TTC34: variants seen among roughly 807,000 people sequenced by gnomAD.
TTC34 encodes the protein tetratricopeptide repeat protein 34.
TTC34 carries 44 observed loss-of-function variants against 40.7 expected under a neutral mutation model. The ratio of observed to expected loss-of-function variants is 1.08; its 90% confidence interval spans 0.85 to 1.39. TTC34 has a LOEUF of 1.39. Ranked by LOEUF, TTC34 falls within the 40% of genes most tolerant of loss-of-function variation. The pLI is 0.00. For missense variants in TTC34, 884 were observed against 838.0 expected (o/e 1.05, Z -0.68); for synonymous variants, 422 against 398.6 (o/e 1.06, Z -0.70).
chr1:2,641,362 G>T, exon 9 of TTC34: 1 of 1,497,722 alleles, frequency 6.7e-7, no homozygotes, highest in Non-Finnish European at 8.9e-7. Context: ...AGAGGGTCAG[G>T]CCCAGTCACT....
intron 6 of TTC34, among the ~76,000 whole-genome samples, chr1:2,694,292 CTGGAGCAGCACCCACACCCCCTGATG>C (rs1640762762): frequency 2.0e-5 from 2 of 99,178 alleles, no homozygotes; most frequent in African/African-American, 4.1e-5. Flanking sequence ...ATCGGACAGC[CTGGAGCAGCACCCACACCCCCTGATG>C]AGCATCTGAC....
chr1:2,652,185 GACT>G lies in TTC34; in HGVS notation c.2227-6625_2227-6623del, dbSNP rs1311947834. ...CACACCCCCAGGTGAGCATCTGACA[GACT>G]GGAACAGCACCCTGCACCCCCAAGT... On this transcript the variant is annotated intron_variant, in intron 6 of 8. Coordinates refer to ENST00000401095, the Ensembl canonical transcript of TTC34. Among the ~76,000 whole-genome samples, 91 of 18,970 alleles carry G rather than the reference GACT, an allele frequency of 4.8e-3. 3 individuals are homozygous for G. The highest frequency in any genetic ancestry group is 0.033 in the Middle Eastern group (1 of 30). 12.4% of individuals were successfully genotyped at this position (18,970 alleles called of 152,430 possible).
chr1:2,695,709 C>T (rs1640830846), intron 6 of TTC34, among the ~76,000 whole-genome samples: 2 of 150,360 alleles, frequency 1.3e-5, no homozygotes, highest in African/African-American at 2.4e-5. Flanking sequence ...TGGAACAGCA[C>T]CCACACCCCC....
At chr1:2,775,456 G>T (rs1178342956) in intron 6 of TTC34, 1 of 148,474 alleles carries the variant, frequency 6.7e-6, no homozygotes, top group Non-Finnish European at 1.5e-5. Context: ...CTGACAGCCT[G>T]GAGCAGTACC....
At chr1:2,694,928 GA>G (rs1640790273) in intron 6 of TTC34, among the ~76,000 whole-genome samples, 1 of 134,558 alleles carries the variant, frequency 7.4e-6, no homozygotes, top group African/African-American at 2.8e-5. Flanking sequence ...GCGAGCACCT[GA>G]CATCCTTGAG....
chr1:2,771,710 G>A (rs1371459225), intron 6 of TTC34, among the ~76,000 whole-genome samples: 47 of 58,248 alleles, frequency 8.1e-4, no homozygotes, highest in Admixed American at 1.6e-3. Flanking sequence ...GACAGCCTGG[G>A]GCAGTGCCCA....
At chr1:2,747,839 CGCCAGGCGAGCATCTG>C in intron 6 of TTC34, among the ~76,000 whole-genome samples, 1 of 75,704 alleles carries the variant, frequency 1.3e-5, no homozygotes, top group African/African-American at 9.7e-5. Context: ...GCACCCACAC[CGCCAGGCGAGCATCTG>C]ACGGCCTGGA....
At chr1:2,688,391 C>T (rs1640470726) in intron 6 of TTC34, among the ~76,000 whole-genome samples, 3 of 150,034 alleles carry the variant, frequency 2.0e-5, no homozygotes, top group Non-Finnish European at 3.0e-5. Context: ...CATCTGACAG[C>T]CTGGAACAGC....
intron 2 of TTC34, among the ~76,000 whole-genome samples, chr1:2,795,780 T>C (rs1433143100): frequency 6.6e-6 from 1 of 152,240 alleles, no homozygotes; most frequent in Non-Finnish European, 1.5e-5. Flanking sequence ...CCATGGTACC[T>C]GGATGCTTAC....
intron 6 of TTC34, among the ~76,000 whole-genome samples, chr1:2,654,028 C>G (rs11510859): frequency 1.9e-5 from 2 of 103,958 alleles, no homozygotes; most frequent in African/African-American, 7.0e-5. Context: ...GAGCATCTGA[C>G]AGCCTGGAGC....
exon 4 of TTC34, chr1:2,787,695 C>A: frequency 5.2e-6 from 8 of 1,544,022 alleles, no homozygotes; most frequent in Non-Finnish European, 7.0e-6. Flanking sequence ...CTGGTGCACG[C>A]CGCAGGCGAC....
intron 6 of TTC34, among the ~76,000 whole-genome samples, chr1:2,752,787 T>C (rs1192852938): frequency 8.5e-6 from 1 of 117,108 alleles, no homozygotes; most frequent in African/African-American, 3.7e-5. Context: ...CAGATAAGCA[T>C]GTGACAGCCT....
At position 2,645,395 on chromosome 1, in the gene TTC34, T is replaced by C; in HGVS notation, c.2395A>G (p.Lys799Glu). ...ACAGCAAGGAGGCCCTGGGTGTCCT[T>C]GTCCTCGAGAGGGGCCCCAGTGTCT... Residue 799 changes from lysine (K) to glutamate (E), a missense_variant, in exon 7 of 9, where the codon AAG (lysine) becomes GAG (glutamate). Lys to Glu is a moderately conservative substitution (Grantham distance 56, BLOSUM62 1). Transcript: ENST00000401095. The surrounding 1 kb of genome is among the most constrained non-coding windows in gnomAD (Gnocchi z 4.7). 1 of 1,535,636 alleles carries C rather than the reference T, an allele frequency of 6.5e-7. No individual in the cohort carries two copies. Among genetic ancestry groups the C allele is most frequent in the Non-Finnish European group, 8.7e-7 (1 of 1,146,634 alleles).
In TTC34 at chr1:2,752,276, A is replaced by G. The variant is rs1184694835; in HGVS notation, c.2226+31333T>C. 1.9e-5 allele frequency among the ~76,000 whole-genome samples: 2 copies of G among 102,972 alleles called. 1 individual carries two copies. Among genetic ancestry groups the G allele is most frequent in the African/African-American group, 9.6e-5 (2 of 20,740 alleles). The allele number at this position is 102,972 out of a possible 152,430, so 67.6% of individuals were successfully genotyped here. A position where few individuals can be genotyped will look rare whatever the true frequency, so the allele number is the denominator to read the frequency against. ...CCCAGCTGAGCCTCTGACAGCCTGG[A>G]ACAGCACCTTGCACCCCCAGGGGAG... On this transcript the variant is annotated intron_variant, in intron 6 of 8. Transcript: ENST00000401095.
At chr1:2,695,987 A>G (rs540789123) in intron 6 of TTC34, among the ~76,000 whole-genome samples, 1 of 35,438 alleles carries the variant, frequency 2.8e-5, no homozygotes, top group Admixed American at 2.7e-4. Flanking sequence ...CCTGGAACAG[A>G]ACCCACACCC....
chr1:2,699,048 CAA>C (rs1641003796), intron 6 of TTC34, among the ~76,000 whole-genome samples: 4 of 123,292 alleles, frequency 3.2e-5, no homozygotes, highest in Non-Finnish European at 7.2e-5. Context: ...GAAGCACCCA[CAA>C]CCACAGGTGA....
At chr1:2,783,558 T>C (rs1643521471) in intron 6 of TTC34, 51 bp downstream of exon 6, 2 of 1,318,012 alleles carry the variant, frequency 1.5e-6, no homozygotes, top group African/African-American at 1.5e-5. Flanking sequence ...GGCAGCTCCC[T>C]GGGTCCCCCA....
intron 6 of TTC34, among the ~76,000 whole-genome samples, chr1:2,753,146 C>A (rs1179070447): frequency 2.0e-5 from 2 of 98,656 alleles, no homozygotes; most frequent in African/African-American, 9.2e-5. Context: ...CCCAGGTGAG[C>A]ATCTGACGGC....
At chr1:2,699,007 AC>A (rs1641001531) in intron 6 of TTC34, among the ~76,000 whole-genome samples, 1 of 59,182 alleles carries the variant, frequency 1.7e-5, no homozygotes, top group South Asian at 4.5e-4. Flanking sequence ...AAAGGCACCC[AC>A]ACCACCAGGT....
Sources: allele counts gnomAD v4.1 joint callset (sites outside exome capture counted in the v4.1 genomes callset), GRCh38; gene constraint gnomAD v4.1.1; non-coding constraint Gnocchi (gnomAD v3.1); transcripts MANE v1.5; gene names NCBI Gene and HGNC (gene_info 2026-07-23, HGNC 2026-07-21).